Variants in CLIP1 observed in about 807,000 individuals in gnomAD.
The protein encoded by CLIP1 is CAP-Gly domain containing linker protein 1, also known as CAP-Gly domain-containing linker protein 1.
In CLIP1, 66 loss-of-function variants were observed where a neutral mutation model predicts 161.6. The observed-to-expected ratio is 0.41, with a 90% CI of 0.33 to 0.50. The LOEUF is 0.50. CLIP1 is among the 20% of genes least tolerant of loss of function. The pLI is 0.27. For missense variants in CLIP1, 1,376 were observed against 1,702.0 expected (o/e 0.81, Z 3.37); for synonymous variants, 598 against 626.2 (o/e 0.96, Z 0.67).
At chr12:122,282,671 GTATATA>G (rs201005420) in intron 21 of CLIP1, among the ~76,000 whole-genome samples, 1 of 144,018 alleles carries the variant, frequency 6.9e-6, no homozygotes, top group East Asian at 1.9e-4. Flanking sequence ...GTTTGTGTGT[GTATATA>G]TATATGTATA....
chr12:122,310,621 C>G (rs1255481408), intron 19 of CLIP1, among the ~76,000 whole-genome samples: 1 of 152,098 alleles, frequency 6.6e-6, no homozygotes, highest in African/African-American at 2.4e-5. Flanking sequence ...TTAAAATAAT[C>G]CAAAACATAC....
At chr12:122,306,998 C>CTTTTTTTTTTTTTTTTTTTTTTT (rs56949793) in intron 20 of CLIP1, among the ~76,000 whole-genome samples, 1 of 81,000 alleles carries the variant, frequency 1.2e-5, no homozygotes, top group Non-Finnish European at 2.2e-5. Flanking sequence ...GGTAAGTTCA[C>CTTTTTTTTTTTTTTTTTTTTTTT]TTTTTTTTTT....
intron 9 of CLIP1, among the ~76,000 whole-genome samples, chr12:122,349,725 G>T (rs1286246252): frequency 1.3e-5 from 2 of 152,234 alleles, no homozygotes; most frequent in African/African-American, 4.8e-5. Context: ...CAAAGGCTTT[G>T]CGAGAAGCGC....
chr12:122,307,229 G>C (rs187051310), intron 20 of CLIP1, among the ~76,000 whole-genome samples: 2 of 151,788 alleles, frequency 1.3e-5, no homozygotes, highest in Non-Finnish European at 2.9e-5. Context: ...GGCCGGTCTC[G>C]AACTCCTGAC....
chr12:122,330,484 T>C (rs892638228), intron 15 of CLIP1, among the ~76,000 whole-genome samples: 1 of 152,170 alleles, frequency 6.6e-6, no homozygotes, highest in African/African-American at 2.4e-5. Context: ...AATTCTTTGA[T>C]TTTTATATGA....
intron 11 of CLIP1, among the ~76,000 whole-genome samples, chr12:122,338,363 A>G (rs1192406862): frequency 6.6e-6 from 1 of 152,174 alleles, no homozygotes; most frequent in East Asian, 1.9e-4. Context: ...TGTGGTCTAC[A>G]TTATTTTCTC....
chr12:122,336,715 C>G lies in CLIP1; in HGVS notation c.2485G>C (p.Glu829Gln), dbSNP rs748959643. 6.2e-6 allele frequency: 10 copies of G among 1,609,944 alleles called. No homozygotes were observed. In the African/African-American group the frequency reaches 1.3e-4, roughly 22 times the overall value. Residue 829 changes from glutamate (E) to glutamine (Q), a missense_variant, in exon 12 of 26, where the codon GAG (glutamate) becomes CAG (glutamine). By Grantham distance (29) the Glu-to-Gln change is conservative. Coordinates refer to ENST00000620786, the MANE Select transcript of CLIP1 (RefSeq NM_001247997.2). Reference sequence around the variant, plus strand: ...TCCTGAAGGTTAGTAAGCTTTAGCTCTCTCCCCTGGAGCTCTCTGGTAATG... The same window carrying G: ...TCCTGAAGGTTAGTAAGCTTTAGCTGTCTCCCCTGGAGCTCTCTGGTAATG... ...SSITRELQGRELKLTNLQENL... is the reference protein window; with the variant it reads ...SSITRELQGRQLKLTNLQENL...
chr12:122,316,399 AG>A (rs1323368047), intron 19 of CLIP1, among the ~76,000 whole-genome samples: 2 of 152,032 alleles, frequency 1.3e-5, no homozygotes, highest in African/African-American at 4.8e-5. Flanking sequence ...TTGTAGAAAC[AG>A]GGTTTTGCTG....
chr12:122,293,813 G>GTTT (rs111421007), intron 20 of CLIP1, among the ~76,000 whole-genome samples: 4 of 130,952 alleles, frequency 3.1e-5, no homozygotes, highest in African/African-American at 8.6e-5. Context: ...TTTGTTTTTT[G>GTTT]TTTTTTTTTG....
chr12:122,388,305 C>T (rs1277260169), intron 1 of CLIP1, among the ~76,000 whole-genome samples: 1 of 152,008 alleles, frequency 6.6e-6, no homozygotes, highest in Non-Finnish European at 1.5e-5. Flanking sequence ...CTGCAAGCTC[C>T]GCCTCCCGGG....
rs1953784958 is a variant in CLIP1 at position 122,361,166 on chromosome 12, T to A, written c.798A>T (p.Gln266His). The change falls in exon 5 of 26, where the codon CAA becomes CAT. Residue 266 changes from glutamine to histidine, a missense_variant. Physicochemically the swap from Gln to His is conservative, Grantham distance 24. Transcript: ENST00000620786. ...AVAGTRYFQCQPKYGLFAPVH... is the reference protein window; with the variant it reads ...AVAGTRYFQCHPKYGLFAPVH... ...CAGGAGCGAACAAGCCATATTTGGGTTGACACTGAAAATACCTTTAGAGAA... is the reference window on the plus strand; with the variant it reads ...CAGGAGCGAACAAGCCATATTTGGGATGACACTGAAAATACCTTTAGAGAA... 1 of 1,613,232 alleles carries A rather than the reference T, an allele frequency of 6.2e-7. No homozygotes were observed. Among genetic ancestry groups the A allele is most frequent in the African/African-American group, 1.3e-5 (1 of 74,908 alleles).
chr12:122,403,317 A>G (rs1262876726), intron 1 of CLIP1, among the ~76,000 whole-genome samples: 1 of 152,156 alleles, frequency 6.6e-6, no homozygotes, highest in Non-Finnish European at 1.5e-5. Context: ...GGCACTGCCC[A>G]GTAAAACCGA....
In CLIP1 at chr12:122,341,088, T is replaced by G; in HGVS notation, c.2116A>C (p.Lys706Gln). ...CTGATGGCTTCCAGACTGTTTTCCT[T>G]TTCTTTAATAACTTTCATCAGTTTA... ...RAKLMKVIKE[K>Q]ENSLEAIRSK... The change falls in exon 11 of 26, where the codon AAG becomes CAG. Residue 706 changes from lysine (K) to glutamine (Q), a missense_variant. Physicochemically the swap from Lys to Gln is moderately conservative, Grantham distance 53. Transcript: ENST00000620786. 6.2e-7 allele frequency: 1 copy of G among 1,613,850 alleles called. No homozygotes were observed. The highest frequency in any genetic ancestry group is 8.5e-7 in the Non-Finnish European group (1 of 1,179,966).
At chr12:122,397,798 T>C (rs1490005595) in intron 1 of CLIP1, among the ~76,000 whole-genome samples, 1 of 147,042 alleles carries the variant, frequency 6.8e-6, no homozygotes, top group Admixed American at 6.8e-5. Context: ...AAAAAAAAAA[T>C]ATAAAAATTA....
chr12:122,316,986 C>T, intron 18 of CLIP1, 131 bp from the exon 19 acceptor site: 1 of 606,530 alleles, frequency 1.6e-6, no homozygotes, highest in Non-Finnish European at 2.8e-6. Context: ...AAAAAGTCTC[C>T]TGGGTGAAGA....
At position 122,419,419 on chromosome 12, in the gene CLIP1, T is replaced by C. The variant is rs1956860038; in HGVS notation, c.-107+3102A>G. ...AAATAAGAAACGTTTACTGAGTACA[T>C]GGAACTCCACAGAATTCTGCAAGGG... is the stretch of plus-strand genomic sequence containing the variant. On this transcript the variant is annotated intron_variant, in intron 1 of 25. Transcript: ENST00000620786. Among the ~76,000 whole-genome samples, 3 of 151,624 alleles carry C rather than the reference T, an allele frequency of 2.0e-5. No homozygotes were observed. The South Asian group carries it at 6.3e-4, about 32-fold the overall frequency.
chr12:122,299,611 G>GAAAAAAAAA (rs1491546237), intron 20 of CLIP1, among the ~76,000 whole-genome samples: 2 of 34,558 alleles, frequency 5.8e-5, no homozygotes, highest in South Asian at 9.1e-4. Flanking sequence ...AATAAATTCA[G>GAAAAAAAAA]CAAAAAAAAA....
chr12:122,373,718 C>T (rs1269430620), intron 3 of CLIP1, among the ~76,000 whole-genome samples: 1 of 152,022 alleles, frequency 6.6e-6, no homozygotes, highest in Non-Finnish European at 1.5e-5. Flanking sequence ...ATAGTACATC[C>T]AAAGAGTATA....
chr12:122,355,427 G>C lies in CLIP1; in HGVS notation c.1006-115C>G. 1.1e-6 allele frequency: 1 copy of C among 872,524 alleles called. No homozygotes were observed. Among genetic ancestry groups the C allele is most frequent in the Non-Finnish European group, 1.8e-6 (1 of 557,180 alleles). 54.0% of individuals were successfully genotyped at this position (872,524 alleles called of 1,614,324 possible). ...CAAAGCAAGGGCGCTGCTCCAGCTG[G>C]CAGGCTGGCCAGGATTAGGAAAGGC... On this transcript the variant is annotated intron_variant, in intron 5 of 25. Transcript: ENST00000620786. This position sits in a 1 kb window ranked among gnomAD's most constrained non-coding sequence, Gnocchi z 4.1.
Sources: gnomAD v4.1 joint callset for allele counts (sites outside exome capture counted in the v4.1 genomes callset) on GRCh38, gnomAD v4.1.1 for gene constraint, Gnocchi (gnomAD v3.1) non-coding constraint, MANE v1.5 for transcripts, NCBI Gene and HGNC (gene_info 2026-07-23, HGNC 2026-07-21) for gene names.